Variants in HS3ST5 observed in about 807,000 individuals in gnomAD.
HS3ST5 encodes heparan sulfate glucosamine 3-O-sulfotransferase 5.
In HS3ST5, 10 loss-of-function variants were observed where a neutral mutation model predicts 25.4. The ratio of observed to expected loss-of-function variants is 0.39; its 90% confidence interval spans 0.24 to 0.67. The LOEUF is 0.67. Among genes scored for constraint, HS3ST5 ranks in the 30% least tolerant of loss-of-function variants. The probability of loss-of-function intolerance (pLI) is 0.44; values close to 1 mark genes in which losing one functional copy is unlikely to be tolerated. For synonymous variants in HS3ST5, 170 were observed against 162.4 expected (o/e 1.05, Z -0.36); for missense variants, 324 against 420.7 (o/e 0.77, Z 2.01).
chr6:114,103,967 C>T (rs986842393), intron 3 of HS3ST5, among the ~76,000 whole-genome samples: 3 of 151,262 alleles, frequency 2.0e-5, no homozygotes, highest in Non-Finnish European at 2.9e-5. Context: ...TCCCAAAGTG[C>T]TGGAATTACA....
At chr6:114,113,247 A>G (rs1776356917) in intron 3 of HS3ST5, among the ~76,000 whole-genome samples, 1 of 152,180 alleles carries the variant, frequency 6.6e-6, no homozygotes, top group South Asian at 2.1e-4. Flanking sequence ...CTATGGCCTT[A>G]GTAATTTTTT....
chr6:114,251,581 G>C (rs894182710), intron 1 of HS3ST5: 1 of 152,208 alleles, frequency 6.6e-6, no homozygotes, highest in Non-Finnish European at 1.5e-5. Context: ...TTGGTAGTGG[G>C]CCCTGATTGG....
chr6:114,133,672 A>G (rs1167393785), intron 3 of HS3ST5, among the ~76,000 whole-genome samples: 5 of 152,198 alleles, frequency 3.3e-5, no homozygotes, highest in Non-Finnish European at 5.9e-5. Flanking sequence ...AATATAAGAA[A>G]AATAATGCAT....
chr6:114,165,792 A>T, intron 3 of HS3ST5, among the ~76,000 whole-genome samples: 1 of 152,140 alleles, frequency 6.6e-6, no homozygotes, highest in East Asian at 1.9e-4. Flanking sequence ...CATATTAGTT[A>T]AACTCTCTGG....
chr6:114,058,409 A>C (rs934219891), intron 4 of HS3ST5, among the ~76,000 whole-genome samples: 3 of 152,178 alleles, frequency 2.0e-5, no homozygotes, highest in Non-Finnish European at 4.4e-5. Context: ...GCTCCTTAAA[A>C]TTTTTTATTC....
intron 1 of HS3ST5, among the ~76,000 whole-genome samples, chr6:114,254,120 C>A (rs1225202122): frequency 6.6e-6 from 1 of 152,202 alleles, no homozygotes; most frequent in Non-Finnish European, 1.5e-5. Context: ...CAGAGGCTCT[C>A]TGAGCTCTGT....
intron 1 of HS3ST5, among the ~76,000 whole-genome samples, chr6:114,310,826 A>G (rs1332536263): frequency 6.6e-6 from 1 of 152,158 alleles, no homozygotes; most frequent in Non-Finnish European, 1.5e-5. Flanking sequence ...AGAAATGTGT[A>G]ACAGAATATT....
chr6:114,155,563 C>T (rs906413192), intron 3 of HS3ST5, among the ~76,000 whole-genome samples: 1 of 152,208 alleles, frequency 6.6e-6, no homozygotes, highest in Non-Finnish European at 1.5e-5. Flanking sequence ...TTCTCAGATT[C>T]TGACTTTACC....
intron 3 of HS3ST5, among the ~76,000 whole-genome samples, chr6:114,157,143 G>C (rs576944834): frequency 6.6e-6 from 1 of 151,866 alleles, no homozygotes; most frequent in East Asian, 1.9e-4. Flanking sequence ...CATTGTCCAG[G>C]ATGGAATTAC....
At chr6:114,320,893 GCT>G (rs10544089) in intron 1 of HS3ST5, among the ~76,000 whole-genome samples, 32,618 of 139,672 alleles carry the variant, frequency 0.23, 3,838 homozygotes, top group Non-Finnish European at 0.27. Context: ...CATAGGAAGT[GCT>G]CTCTCTCTCT....
At chr6:114,168,100 T>A (rs535096734) in intron 3 of HS3ST5, among the ~76,000 whole-genome samples, 9 of 151,894 alleles carry the variant, frequency 5.9e-5, no homozygotes, top group East Asian at 3.9e-4. Context: ...ATAAAAAAAA[T>A]TTTTAAAAAA....
chr6:114,127,936 TTA>T (rs961547048), intron 3 of HS3ST5, among the ~76,000 whole-genome samples: 1 of 149,664 alleles, frequency 6.7e-6, no homozygotes, highest in Non-Finnish European at 1.5e-5. Context: ...ATGGAGAAAT[TTA>T]TATATATATA....
chr6:114,161,521 T>TTTTATATATATA (rs1464812966), intron 3 of HS3ST5, among the ~76,000 whole-genome samples: 1 of 33,540 alleles, frequency 3.0e-5, no homozygotes, highest in Non-Finnish European at 5.6e-5. Context: ...TCCTGAAGTT[T>TTTTATATATATA]TATATATATA....
chr6:114,194,221 G>T (rs991833858), intron 2 of HS3ST5, among the ~76,000 whole-genome samples: 5 of 152,138 alleles, frequency 3.3e-5, no homozygotes, highest in African/African-American at 1.2e-4. Context: ...ATGCAAGAAA[G>T]ACCTGAAGAA....
At chr6:114,217,888 A>G (rs1781844611) in intron 2 of HS3ST5, among the ~76,000 whole-genome samples, 1 of 151,952 alleles carries the variant, frequency 6.6e-6, no homozygotes, top group Non-Finnish European at 1.5e-5. Flanking sequence ...AGTAGGACTC[A>G]CTTCCCTCAC....
At chr6:114,197,338 G>A (rs1255061145) in intron 2 of HS3ST5, among the ~76,000 whole-genome samples, 1 of 151,748 alleles carries the variant, frequency 6.6e-6, no homozygotes, top group Non-Finnish European at 1.5e-5. Flanking sequence ...ATATCTCTTA[G>A]GTTTTGATGA....
intron 3 of HS3ST5, among the ~76,000 whole-genome samples, chr6:114,092,684 T>G (rs1459715933): frequency 1.3e-5 from 2 of 151,460 alleles, no homozygotes; most frequent in East Asian, 1.9e-4. Flanking sequence ...ATTTTGTTTT[T>G]TTTTTTTTGA....
chr6:114,105,733 C>T (rs941531631), intron 3 of HS3ST5, among the ~76,000 whole-genome samples: 7 of 152,108 alleles, frequency 4.6e-5, no homozygotes, highest in African/African-American at 1.7e-4. Flanking sequence ...AATTTATAAA[C>T]TGCTGTTTTC....
intron 2 of HS3ST5, among the ~76,000 whole-genome samples, chr6:114,210,251 C>A (rs1030956676): frequency 1.3e-5 from 2 of 152,090 alleles, no homozygotes; most frequent in African/African-American, 4.8e-5. Context: ...TAGGTATATT[C>A]TACATTTTCA....
Sources: gnomAD v4.1 joint callset for allele counts (sites outside exome capture counted in the v4.1 genomes callset) on GRCh38, gnomAD v4.1.1 for gene constraint, MANE v1.5 for transcripts, NCBI Gene and HGNC (gene_info 2026-07-23, HGNC 2026-07-21) for gene names.